Variants in ARMC6 observed in about 807,000 individuals in gnomAD.
ARMC6 encodes armadillo repeat containing 6, also known as armadillo repeat-containing protein 6.
A neutral mutation model predicts 49.2 loss-of-function variants in ARMC6; 43 were observed. That is an observed-to-expected ratio of 0.87 (90% CI 0.69 to 1.13). ARMC6 has a LOEUF of 1.13. ARMC6 is among the 50% of genes most tolerant of loss of function. The probability of loss-of-function intolerance (pLI) is 0.00; values close to 1 mark genes in which losing one functional copy is unlikely to be tolerated. For missense variants in ARMC6, 627 were observed against 682.0 expected, an observed-to-expected ratio of 0.92 and a Z score of 0.90; for synonymous variants, 262 against 289.6, an observed-to-expected ratio of 0.90 and a Z score of 0.97.
chr19:19,045,078 T>TGGCGTG (rs775193735), intron 4 of ARMC6, among the ~76,000 whole-genome samples: 1 of 133,298 alleles, frequency 7.5e-6, no homozygotes, highest in Non-Finnish European at 1.8e-5. Flanking sequence ...TGGCGTGATC[T>TGGCGTG]CAGCTCACTG....
At position 19,055,930 on chromosome 19, in the gene ARMC6, TGGGCAGGGCAGGGGATGG is replaced by T. The variant is rs746277603; in HGVS notation, c.1293+10_1293+27del. ...CACCCGCAGAAGGCCGGCGTGCAGGTGGGCAGGGCAGGGGATGGGGGCAGGCAGGCTGGTGTGGGATGT... is the reference window on the plus strand; with the variant it reads ...CACCCGCAGAAGGCCGGCGTGCAGGTGGGCAGGCAGGCTGGTGTGGGATGT... On this transcript the variant is annotated splice_donor_5th_base_variant and intron_variant, in intron 8 of 8. Transcript: ENST00000535612. This position sits in a 1 kb window ranked among gnomAD's most constrained non-coding sequence, Gnocchi z 5.7. 3.1e-6 allele frequency: 5 copies of T among 1,606,678 alleles called. No homozygotes were observed. The highest frequency in any genetic ancestry group is 3.4e-6 in the Non-Finnish European group (4 of 1,178,346).
intron 5 of ARMC6, 30 bp downstream of exon 5, chr19:19,052,225 G>C (rs759110670): frequency 6.5e-7 from 1 of 1,546,920 alleles, no homozygotes; most frequent in Non-Finnish European, 8.7e-7. Context: ...ACGAGCCAGC[G>C]AACAAAGTGG....
At chr19:19,042,507 C>T (rs1271154611) in intron 2 of ARMC6, among the ~76,000 whole-genome samples, 1 of 152,168 alleles carries the variant, frequency 6.6e-6, no homozygotes, top group Non-Finnish European at 1.5e-5. Flanking sequence ...GCCATCACAC[C>T]CGGCCTCTTC....
chr19:19,052,679 C>T (rs75295105), intron 5 of ARMC6, among the ~76,000 whole-genome samples: 2,445 of 152,238 alleles, frequency 0.016, 60 homozygotes, highest in African/African-American at 0.056. Flanking sequence ...CCGTCAGACC[C>T]TAAAGCTTCT....
intron 3 of ARMC6, 56 bp from the exon 4 acceptor site, chr19:19,043,936 G>A: frequency 6.5e-7 from 1 of 1,533,892 alleles, no homozygotes; most frequent in Non-Finnish European, 9.0e-7. Context: ...CCACGGGGAT[G>A]ACAGCTGTCA....
chr19:19,051,377 GTGTGTGT>G (rs2059494982), intron 4 of ARMC6, among the ~76,000 whole-genome samples: 1 of 49,766 alleles, frequency 2.0e-5, no homozygotes, highest in African/African-American at 1.0e-4. Flanking sequence ...CTCTCTCTCT[GTGTGTGT>G]GTGTGTGTGT....
At position 19,055,554 on chromosome 19, in the gene ARMC6, CTT is replaced by C. The variant is rs1238390935; in HGVS notation, c.1155+160_1155+161del. Among the ~76,000 whole-genome samples the C allele has an allele frequency of 1.3e-5, 2 of 152,124 alleles. No homozygotes were observed. The highest frequency in any genetic ancestry group is 6.5e-5 in the Admixed American group (1 of 15,274). ...CAAATGCTGACCTGCGTATGCATGA[CTT>C]TGGGTGTCCTGGAGTTACCACCAGC... On this transcript the variant is annotated intron_variant, in intron 7 of 8. Coordinates refer to ENST00000535612, the MANE Select transcript of ARMC6 (RefSeq NM_001199196.2). The surrounding 1 kb of genome is among the most constrained non-coding windows in gnomAD (Gnocchi z 5.7).
chr19:19,038,002 T>G (rs1014230197), intron 2 of ARMC6, among the ~76,000 whole-genome samples: 1 of 152,166 alleles, frequency 6.6e-6, no homozygotes, highest in Non-Finnish European at 1.5e-5. Flanking sequence ...TCCCCATCAC[T>G]TGCATTATGC....
At chr19:19,037,957 T>G in intron 2 of ARMC6, among the ~76,000 whole-genome samples, 1 of 152,116 alleles carries the variant, frequency 6.6e-6, no homozygotes, top group Non-Finnish European at 1.5e-5. Flanking sequence ...AAGCGTAGGG[T>G]GAGCGAGTGA....
chr19:19,039,380 TC>T (rs1453685421), intron 2 of ARMC6: 1 of 453,124 alleles, frequency 2.2e-6, no homozygotes, highest in South Asian at 1.6e-5. Context: ...GAAACAGTCC[TC>T]CCACCTTGGC....
chr19:19,039,010 C>T (rs2059392256), intron 2 of ARMC6, among the ~76,000 whole-genome samples: 1 of 152,164 alleles, frequency 6.6e-6, no homozygotes, highest in Admixed American at 6.5e-5. Flanking sequence ...CCGCCTTAGC[C>T]TCCCAAGTTG....
Position 19,055,349 on chromosome 19 carries a change from A to T in ARMC6, c.1108A>T (p.Thr370Ser). ...AGATGCTATTGTCCGTGCTGGTGGG[A>T]CGGAGTCCATCGTGGCTGCTATGAC... Reference protein sequence around the residue: ...VKDAIVRAGGTESIVAAMTQH... With the variant: ...VKDAIVRAGGSESIVAAMTQH... The change falls in exon 7 of 9, where the codon ACG becomes TCG. Residue 370 changes from threonine (T) to serine (S), a missense_variant. Transcript: ENST00000535612. This position sits in a 1 kb window ranked among gnomAD's most constrained non-coding sequence, Gnocchi z 5.7. The T allele has an allele frequency of 6.2e-7, 1 of 1,613,008 alleles. No individual in the cohort carries two copies. Among genetic ancestry groups the T allele is most frequent in the Non-Finnish European group, 8.5e-7 (1 of 1,179,482 alleles).
In ARMC6 at chr19:19,045,155, C is replaced by T. The variant is rs1034460954; in HGVS notation, c.279+1081C>T. On this transcript the variant is annotated intron_variant, in intron 4 of 8. Coordinates refer to ENST00000535612, the MANE Select transcript of ARMC6 (RefSeq NM_001199196.2). ...CCTCCCGAGTAACTGGGATTACAGA[C>T]ACACGCCACCACACCTGACTAATTT... Among the ~76,000 whole-genome samples, 4 of 152,018 alleles carry T rather than the reference C, an allele frequency of 2.6e-5. 1 individual carries two copies. The highest frequency in any genetic ancestry group is 2.0e-4 in the Admixed American group (3 of 15,272).
Position 19,057,518 on chromosome 19 carries a change from T to C in ARMC6, c.1396T>C (p.Ser466Pro). The change falls in exon 9 of 9, where the codon TCT becomes CCT. Residue 466 changes from serine to proline, a missense_variant. By Grantham distance (74) the Ser-to-Pro change is moderately conservative. Transcript: ENST00000535612. ...GAEALIMQAR[S>P]AHRDCEDVAK... ...TGAGGCACTCATCATGCAGGCCCGA[T>C]CTGCCCACCGTGACTGTGAGGACGT... 6.2e-7 allele frequency: 1 copy of C among 1,613,898 alleles called. No individual in the cohort carries two copies. Among genetic ancestry groups the C allele is most frequent in the Non-Finnish European group, 8.5e-7 (1 of 1,179,986 alleles).
chr19:19,051,403 G>T (rs1472445806), intron 4 of ARMC6, among the ~76,000 whole-genome samples: 6 of 147,354 alleles, frequency 4.1e-5, no homozygotes, highest in African/African-American at 1.5e-4. Context: ...GTGTGTGTGT[G>T]TGTGTGTGTG....
intron 5 of ARMC6, 110 bp from the exon 6 acceptor site, chr19:19,054,042 C>A: frequency 8.4e-7 from 1 of 1,189,052 alleles, no homozygotes; most frequent in Non-Finnish European, 1.1e-6. Flanking sequence ...GTGGCCACTC[C>A]AATAGGCAGA....
At chr19:19,053,303 CATG>C (rs2145876163) in intron 5 of ARMC6, among the ~76,000 whole-genome samples, 1 of 152,162 alleles carries the variant, frequency 6.6e-6, no homozygotes, top group Non-Finnish European at 1.5e-5. Flanking sequence ...GCCTGGGCAA[CATG>C]ATGAAACCCT....
chr19:19,057,922 T>C lies in ARMC6; in HGVS notation c.*294T>C. ...CCTACCAGAGGGGGCAAAGGGCACG[T>C]CCCATCACTCACTGCCCTGTCTGAA... On this transcript the variant is annotated 3_prime_UTR_variant, in exon 9 of 9. Transcript: ENST00000535612. The C allele has an allele frequency of 2.0e-6, 1 of 504,636 alleles. No homozygotes were observed. Among genetic ancestry groups the C allele is most frequent in the Non-Finnish European group, 3.7e-6 (1 of 273,028 alleles). The allele number at this position is 504,636 out of a possible 1,614,324, so 31.3% of individuals were successfully genotyped here.
chr19:19,037,569 G>A (rs943758125), intron 2 of ARMC6: 43 of 975,264 alleles, frequency 4.4e-5, no homozygotes, highest in East Asian at 1.3e-4. Context: ...GTTTCGCCAC[G>A]TGTCCAGGCT....
Sources: allele counts gnomAD v4.1 joint callset (sites outside exome capture counted in the v4.1 genomes callset), GRCh38; gene constraint gnomAD v4.1.1; non-coding constraint Gnocchi (gnomAD v3.1); transcripts MANE v1.5; gene names NCBI Gene and HGNC (gene_info 2026-07-23, HGNC 2026-07-21).